XRN1: variants seen among roughly 807,000 people sequenced by gnomAD.
XRN1 encodes strand-exchange protein 1 homolog.
A neutral mutation model predicts 222.3 loss-of-function variants in XRN1; 67 were observed. That is an observed-to-expected ratio of 0.30 (90% CI 0.25 to 0.37). XRN1 has a LOEUF of 0.37. Ranked by LOEUF, XRN1 falls within the 10% of genes least tolerant of loss-of-function variation. The pLI is 1.00. For synonymous variants in XRN1, 643 were observed against 652.4 expected (o/e 0.99, Z 0.22); for missense variants, 1,707 against 2,000.2 (o/e 0.85, Z 2.80).
chr3:142,376,627 G>T, intron 23 of XRN1, 33 bp from the exon 24 acceptor site: 3 of 1,431,566 alleles, frequency 2.1e-6, no homozygotes, highest in Non-Finnish European at 2.9e-6. Flanking sequence ...GTCAATTATG[G>T]AAACACAAGT....
chr3:142,314,122 AT>A (rs2065146102), intron 39 of XRN1, among the ~76,000 whole-genome samples: 1 of 152,150 alleles, frequency 6.6e-6, no homozygotes, highest in South Asian at 2.1e-4. Context: ...TACATCACAA[AT>A]TTTTTTATAC....
chr3:142,417,687 T>C (rs2068838961), intron 12 of XRN1, among the ~76,000 whole-genome samples: 1 of 152,224 alleles, frequency 6.6e-6, no homozygotes. Context: ...AAGTGCTGTA[T>C]GTGAACAATA....
At chr3:142,433,262 T>C (rs901376123) in intron 1 of XRN1, among the ~76,000 whole-genome samples, 1 of 152,190 alleles carries the variant, frequency 6.6e-6, no homozygotes, top group African/African-American at 2.4e-5. Context: ...TCCTCTATAA[T>C]GGGTAACAAA....
intron 2 of XRN1, among the ~76,000 whole-genome samples, chr3:142,431,832 A>C: frequency 9.8e-6 from 1 of 102,330 alleles, no homozygotes; most frequent in Non-Finnish European, 1.9e-5. Flanking sequence ...AAAAAATTAT[A>C]TATAATATTA....
intron 20 of XRN1, among the ~76,000 whole-genome samples, chr3:142,396,075 A>C (rs757073870): frequency 6.6e-6 from 1 of 152,228 alleles, no homozygotes; most frequent in East Asian, 1.9e-4. Flanking sequence ...TGTAAATATC[A>C]TAAGTGTAGG....
At chr3:142,351,680 C>T (rs2066310322) in intron 32 of XRN1, among the ~76,000 whole-genome samples, 1 of 152,168 alleles carries the variant, frequency 6.6e-6, no homozygotes, top group South Asian at 2.1e-4. Context: ...CAACAGTTTT[C>T]TTTTCATTTT....
In XRN1 at chr3:142,383,346, C is replaced by G; in HGVS notation, c.2570G>C (p.Ser857Thr). Reference protein sequence around the residue: ...KTLDDLFPLRSMVFMLGTPYY... With the variant: ...KTLDDLFPLRTMVFMLGTPYY... Reference sequence around the variant, plus strand: ...GGGAGTTCCCAGCATAAAGACCATACTTCTCAGAGGAAACAAATCATCCAA... The same window carrying G: ...GGGAGTTCCCAGCATAAAGACCATAGTTCTCAGAGGAAACAAATCATCCAA... The change falls in exon 22 of 41, where the codon AGT (serine) becomes ACT (threonine). Residue 857 changes from serine to threonine, a missense_variant. Around this residue, in one of 2 missense-constraint regions of XRN1, gnomAD observed 1,234 missense variants for 1,518.2 expected, o/e 0.81. Coordinates refer to ENST00000392981, the MANE Select transcript of XRN1 (RefSeq NM_001282857.2). 3 of 1,614,028 alleles carry G rather than the reference C, an allele frequency of 1.9e-6. No individual in the cohort carries two copies. The highest frequency in any genetic ancestry group is 2.5e-6 in the Non-Finnish European group (3 of 1,179,968).
chr3:142,423,608 A>C lies in XRN1; in HGVS notation c.662T>G (p.Phe221Cys). 1 of 1,601,704 alleles carries C rather than the reference A, an allele frequency of 6.2e-7. No individual in the cohort carries two copies. Among genetic ancestry groups the C allele is most frequent in the Non-Finnish European group, 8.5e-7 (1 of 1,175,440 alleles). The change falls in exon 6 of 41, where the codon TTT becomes TGT. Residue 221 changes from phenylalanine (F) to cysteine (C), a missense_variant. Around this residue, in one of 2 missense-constraint regions of XRN1, gnomAD observed 1,234 missense variants for 1,518.2 expected, o/e 0.81. Transcript: ENST00000392981. ...TCGAACTTCTTCTCTTAAGAGAGAAAAATGTGCCTCATGACTTGTTAATCC... is the reference window on the plus strand; with the variant it reads ...TCGAACTTCTTCTCTTAAGAGAGAACAATGTGCCTCATGACTTGTTAATCC... ...MLGLTSHEAH[F>C]SLLREEVRFG... is the part of the protein sequence containing the mutation.
At chr3:142,358,539 G>A (rs1389189184) in intron 30 of XRN1, among the ~76,000 whole-genome samples, 6 of 152,058 alleles carry the variant, frequency 3.9e-5, no homozygotes, top group Non-Finnish European at 8.8e-5. Flanking sequence ...ACTGCAGGCA[G>A]GTAATCTTTT....
chr3:142,370,737 TTCTAAA>T (rs2066962918), intron 26 of XRN1, 117 bp from the exon 27 acceptor site: 1 of 805,190 alleles, frequency 1.2e-6, no homozygotes, highest in Admixed American at 3.8e-5. Flanking sequence ...TCGGGACTAA[TTCTAAA>T]TCTAATATAA....
intron 31 of XRN1, among the ~76,000 whole-genome samples, chr3:142,356,020 T>C (rs2066457946): frequency 6.6e-6 from 1 of 152,218 alleles, no homozygotes; most frequent in South Asian, 2.1e-4. Context: ...GTGTTCTTTA[T>C]ATGCAATTAG....
chr3:142,320,549 CT>C (rs2065325164), intron 37 of XRN1, among the ~76,000 whole-genome samples: 1 of 152,036 alleles, frequency 6.6e-6, no homozygotes, highest in Non-Finnish European at 1.5e-5. Flanking sequence ...TGTGCAGGAG[CT>C]TTTTAGTTTA....
chr3:142,320,057 T>C (rs972282278), intron 37 of XRN1, among the ~76,000 whole-genome samples: 4 of 152,206 alleles, frequency 2.6e-5, no homozygotes, highest in Non-Finnish European at 5.9e-5. Context: ...GCATACTTTT[T>C]ATATAATGAT....
At chr3:142,346,563 C>T (rs1039080861) in intron 33 of XRN1, among the ~76,000 whole-genome samples, 1 of 151,880 alleles carries the variant, frequency 6.6e-6, no homozygotes, top group Non-Finnish European at 1.5e-5. Context: ...TCACTGCAAC[C>T]TCCGCCCCCC....
chr3:142,438,567 A>G (rs914564424), intron 1 of XRN1, among the ~76,000 whole-genome samples: 1 of 151,976 alleles, frequency 6.6e-6, no homozygotes, highest in Non-Finnish European at 1.5e-5. Flanking sequence ...CTTTTTTCAG[A>G]TGGGAAACGT....
At chr3:142,396,442 T>G (rs757793944) in intron 20 of XRN1, among the ~76,000 whole-genome samples, 15 of 152,238 alleles carry the variant, frequency 9.9e-5, no homozygotes, top group Non-Finnish European at 1.6e-4. Flanking sequence ...AAGTTTATTA[T>G]GGTTTTATTT....
chr3:142,361,963 C>CT (rs71153961), intron 29 of XRN1, among the ~76,000 whole-genome samples: 1,689 of 51,668 alleles, frequency 0.033, 202 homozygotes, highest in African/African-American at 0.095. Context: ...CTTTTTCTCT[C>CT]TTTTTTTTTT....
At chr3:142,387,435 T>C (rs1475540582) in intron 20 of XRN1, among the ~76,000 whole-genome samples, 2 of 152,134 alleles carry the variant, frequency 1.3e-5, no homozygotes, top group African/African-American at 2.4e-5. Flanking sequence ...ATGTGAAAAT[T>C]CATCAAGTAA....
At chr3:142,385,585 T>C (rs11709758) in intron 20 of XRN1, among the ~76,000 whole-genome samples, 19,549 of 152,144 alleles carry the variant, frequency 0.13, 1,276 homozygotes, top group Non-Finnish European at 0.14. Context: ...ATGGTAAAGT[T>C]GAGTAGTTGT....
Sources: gnomAD v4.1 joint callset for allele counts (sites outside exome capture counted in the v4.1 genomes callset) on GRCh38, gnomAD v4.1.1 for gene constraint, gnomAD v4.1.1 regional missense constraint, MANE v1.5 for transcripts, NCBI Gene and HGNC (gene_info 2026-07-23, HGNC 2026-07-21) for gene names.